POU6F2: variants seen among roughly 807,000 people sequenced by gnomAD.
POU6F2 encodes the protein POU class 6 homeobox 2.
In POU6F2, 31 loss-of-function variants were observed where a neutral mutation model predicts 71.3. The ratio of observed to expected loss-of-function variants is 0.43; its 90% CI spans 0.33 to 0.59. The LOEUF (loss-of-function observed/expected upper bound fraction) is 0.59, where lower values mean the gene tolerates loss of function less well. POU6F2 is among the 20% of genes least tolerant of loss of function. The pLI is 0.04. For synonymous variants in POU6F2, 347 were observed against 355.7 expected (o/e 0.98, Z 0.27); for missense variants, 783 against 856.8 (o/e 0.91, Z 1.07).
rs142654006 is a variant in POU6F2 at position 39,270,482 on chromosome 7, T to C, written c.598+62862T>C. On this transcript the variant is annotated intron_variant, in intron 4 of 9. Coordinates refer to ENST00000518318, the MANE Select transcript of POU6F2 (RefSeq NM_001370959.1). ...CACATGCTATATTGCCTCAAGGAAA[T>C]GGATTTAGTAAATGGCAGTTGTTAT... Among the ~76,000 whole-genome samples the C allele has an allele frequency of 5.1e-4, 77 of 152,286 alleles. 1 individual carries two copies. The East Asian group carries it at 0.014, about 28-fold the overall frequency.
intron 1 of POU6F2, among the ~76,000 whole-genome samples, chr7:39,052,603 T>C (rs1396680637): frequency 6.6e-6 from 1 of 151,914 alleles, no homozygotes; most frequent in Non-Finnish European, 1.5e-5. Flanking sequence ...CTTTGACACA[T>C]GGGGATTATG....
intron 4 of POU6F2, among the ~76,000 whole-genome samples, chr7:39,277,002 T>C (rs1371041565): frequency 6.6e-6 from 1 of 152,030 alleles, no homozygotes; most frequent in Non-Finnish European, 1.5e-5. Context: ...TGTATACATA[T>C]GTAACTAACC....
At chr7:39,045,852 T>C (rs866094784) in intron 1 of POU6F2, among the ~76,000 whole-genome samples, 1 of 152,050 alleles carries the variant, frequency 6.6e-6, no homozygotes. Context: ...TATTTACCCA[T>C]TCATAGTTGA....
chr7:39,013,143 A>G (rs1358360361), intron 1 of POU6F2: 14 of 154,828 alleles, frequency 9.0e-5, no homozygotes, highest in Non-Finnish European at 2.0e-4. Flanking sequence ...GCCGCCTTGC[A>G]GTTTGATCTC....
chr7:39,195,982 T>C (rs1057234276), intron 2 of POU6F2, among the ~76,000 whole-genome samples: 2 of 152,160 alleles, frequency 1.3e-5, no homozygotes, highest in Non-Finnish European at 2.9e-5. Context: ...TTTAACAGCT[T>C]TGGCCATTTT....
At chr7:39,251,786 CCA>C (rs1430110758) in intron 4 of POU6F2, among the ~76,000 whole-genome samples, 1 of 152,130 alleles carries the variant, frequency 6.6e-6, no homozygotes, top group African/African-American at 2.4e-5. Flanking sequence ...GCTCCGGACA[CCA>C]CAGTCTGCCC....
At chr7:39,006,304 A>G (rs1371186027) in intron 1 of POU6F2, among the ~76,000 whole-genome samples, 1 of 152,072 alleles carries the variant, frequency 6.6e-6, no homozygotes, top group Admixed American at 6.5e-5. Flanking sequence ...TCTCTACTAA[A>G]AATACAAAAA....
chr7:38,999,913 G>GTTT (rs1562661702), intron 1 of POU6F2, among the ~76,000 whole-genome samples: 2 of 152,224 alleles, frequency 1.3e-5, no homozygotes, highest in Non-Finnish European at 2.9e-5. Context: ...CAAATATGTT[G>GTTT]TCTTATCCTG....
intron 5 of POU6F2, chr7:39,404,883 C>T (rs1371581414): frequency 6.6e-6 from 1 of 152,134 alleles, no homozygotes; most frequent in African/African-American, 2.4e-5. Flanking sequence ...GTTACCCCAC[C>T]TATCCTTTAA....
At chr7:39,024,512 A>G (rs993843654) in intron 1 of POU6F2, among the ~76,000 whole-genome samples, 33 of 152,014 alleles carry the variant, frequency 2.2e-4, no homozygotes, top group African/African-American at 7.7e-4. Flanking sequence ...TCTCCTGCCT[A>G]ATTGCCCTGG....
intron 6 of POU6F2, among the ~76,000 whole-genome samples, chr7:39,419,151 A>G (rs894643743): frequency 7.0e-6 from 1 of 142,234 alleles, no homozygotes; most frequent in African/African-American, 2.7e-5. Context: ...ATACGTATAT[A>G]TGTGTATATA....
At chr7:39,084,901 G>A (rs562270962) in intron 1 of POU6F2, among the ~76,000 whole-genome samples, 4 of 152,132 alleles carry the variant, frequency 2.6e-5, no homozygotes, top group South Asian at 4.2e-4. Flanking sequence ...TTCTGCATCC[G>A]ATATTGTGCC....
intron 4 of POU6F2, among the ~76,000 whole-genome samples, chr7:39,211,196 A>G (rs1033033037): frequency 5.3e-5 from 8 of 152,098 alleles, no homozygotes; most frequent in Admixed American, 1.3e-4. Context: ...CAACATAAAA[A>G]CTTGGTGGGT....
intron 1 of POU6F2, among the ~76,000 whole-genome samples, chr7:39,085,335 C>T (rs1380788685): frequency 1.3e-5 from 2 of 152,066 alleles, no homozygotes; most frequent in Non-Finnish European, 2.9e-5. Flanking sequence ...GGTCTCTTTT[C>T]TCCCTATCTT....
At chr7:39,002,148 T>C (rs554640436) in intron 1 of POU6F2, 20 of 152,206 alleles carry the variant, frequency 1.3e-4, no homozygotes, top group Non-Finnish European at 2.2e-4. Context: ...TACTCTTGAA[T>C]GTACACTTTG....
At chr7:39,385,565 G>A (rs949695784) in intron 5 of POU6F2, among the ~76,000 whole-genome samples, 2 of 152,230 alleles carry the variant, frequency 1.3e-5, no homozygotes, top group Non-Finnish European at 2.9e-5. Context: ...GCGACCTGCT[G>A]TGTGCCTGAG....
intron 4 of POU6F2, among the ~76,000 whole-genome samples, chr7:39,332,849 G>A (rs1785684230): frequency 6.6e-6 from 1 of 152,192 alleles, no homozygotes; most frequent in Non-Finnish European, 1.5e-5. Context: ...AAGCAATGGA[G>A]AGCTCAGTGT....
At chr7:39,261,986 C>G (rs1784145609) in intron 4 of POU6F2, among the ~76,000 whole-genome samples, 1 of 152,040 alleles carries the variant, frequency 6.6e-6, no homozygotes, top group African/African-American at 2.4e-5. Flanking sequence ...AATGTGTTTT[C>G]TGAGTTGGCT....
chr7:39,060,068 C>T lies in POU6F2; in HGVS notation c.106-25792C>T, dbSNP rs182107165. Among the ~76,000 whole-genome samples the T allele has an allele frequency of 4.2e-3, 633 of 152,064 alleles. 2 individuals are homozygous for T. Among genetic ancestry groups the T allele is most frequent in the African/African-American group, 0.015 (602 of 41,468 alleles). On this transcript the variant is annotated intron_variant, in intron 1 of 9. Coordinates refer to ENST00000518318, the MANE Select transcript of POU6F2 (RefSeq NM_001370959.1). ...ACTAAAAATACAAAAATTAGCCGGG[C>T]GCGGTGGCGGGTGCCTGTAATCCCA...
Sources: allele counts gnomAD v4.1 joint callset (sites outside exome capture counted in the v4.1 genomes callset), GRCh38; gene constraint gnomAD v4.1.1; transcripts MANE v1.5; gene names NCBI Gene and HGNC (gene_info 2026-07-23, HGNC 2026-07-21).